The following FSIP1 variants were observed in gnomAD, a reference collection of about 807,000 sequenced individuals.
The protein encoded by FSIP1 is fibrous sheath interacting protein 1, also known as fibrous sheath-interacting protein 1.
FSIP1 carries 65 observed loss-of-function variants against 60.9 expected under a neutral mutation model. The ratio of observed to expected loss-of-function variants is 1.07; its 90% CI spans 0.87 to 1.31. FSIP1 has a LOEUF of 1.31. Among genes scored for constraint, FSIP1 ranks in the 40% most tolerant of loss-of-function variants. FSIP1 has a pLI of 0.00. For synonymous variants in FSIP1, 209 were observed against 221.2 expected, an observed-to-expected ratio of 0.94 and a Z score of 0.49; for missense variants, 675 against 665.5, an observed-to-expected ratio of 1.01 and a Z score of -0.16.
At chr15:39,660,384 CTGAAT>C (rs1425558357) in intron 10 of FSIP1, among the ~76,000 whole-genome samples, 1 of 152,150 alleles carries the variant, frequency 6.6e-6, no homozygotes, top group African/African-American at 2.4e-5. Flanking sequence ...GAAAGGTTAG[CTGAAT>C]TGAATTATCA....
intron 5 of FSIP1, among the ~76,000 whole-genome samples, chr15:39,752,105 GT>G (rs1471770817): frequency 1.3e-5 from 2 of 152,008 alleles, no homozygotes; most frequent in African/African-American, 4.8e-5. Context: ...AGTATATTTA[GT>G]TTAATGAGGT....
Position 39,765,634 on chromosome 15 carries a change from C to T in FSIP1, c.423G>A (p.Lys141=), listed in dbSNP as rs747601508. 2 of 1,604,854 alleles carry T rather than the reference C, an allele frequency of 1.2e-6. No homozygotes were observed. The highest frequency in any genetic ancestry group is 1.7e-6 in the Non-Finnish European group (2 of 1,176,684). The change falls in exon 4 of 12, where the codon AAG becomes AAA. Residue 141 remains lysine, a synonymous_variant. Coordinates refer to ENST00000350221, the MANE Select transcript of FSIP1 (RefSeq NM_152597.5). Reference sequence around the variant, plus strand: ...GCTTTATTCTCATTTCTAGACCTTGCTTCTTAATTTCTTTTTCTCTGCGTT... The same window carrying T: ...GCTTTATTCTCATTTCTAGACCTTGTTTCTTAATTTCTTTTTCTCTGCGTT... The part of the protein sequence containing the change: ...KKQRREKEIK[K]QGLEMRIKLW...
intron 8 of FSIP1, among the ~76,000 whole-genome samples, chr15:39,732,967 G>A (rs779285798): frequency 6.6e-6 from 1 of 152,132 alleles, no homozygotes; most frequent in Non-Finnish European, 1.5e-5. Flanking sequence ...CCATCCATCG[G>A]ACTCTAGAAT....
At chr15:39,713,929 T>C (rs1053774209) in intron 9 of FSIP1, among the ~76,000 whole-genome samples, 2 of 152,166 alleles carry the variant, frequency 1.3e-5, no homozygotes, top group Non-Finnish European at 2.9e-5. Context: ...GTTTATCATG[T>C]ATAAATAAGA....
intron 9 of FSIP1, among the ~76,000 whole-genome samples, chr15:39,722,032 G>T (rs1403721907): frequency 2.0e-5 from 3 of 152,150 alleles, no homozygotes; most frequent in Non-Finnish European, 4.4e-5. Flanking sequence ...CCCCAGAGCA[G>T]GAGGTGAGCG....
chr15:39,633,656 G>A (rs1318991805), intron 10 of FSIP1, among the ~76,000 whole-genome samples: 2 of 152,090 alleles, frequency 1.3e-5, no homozygotes, highest in Non-Finnish European at 2.9e-5. Context: ...GTAGTTAATT[G>A]AATAAATATA....
At chr15:39,668,945 G>A (rs1042024973) in intron 10 of FSIP1, among the ~76,000 whole-genome samples, 1 of 152,174 alleles carries the variant, frequency 6.6e-6, no homozygotes, top group Non-Finnish European at 1.5e-5. Flanking sequence ...AAAGTATTCT[G>A]CTTCTATTTT....
At chr15:39,661,920 C>T (rs747660120) in intron 10 of FSIP1, among the ~76,000 whole-genome samples, 3 of 152,178 alleles carry the variant, frequency 2.0e-5, no homozygotes, top group Non-Finnish European at 4.4e-5. Flanking sequence ...ATTCCATTAA[C>T]ACCTTCTAAT....
chr15:39,754,347 C>T, intron 5 of FSIP1, among the ~76,000 whole-genome samples: 1 of 152,028 alleles, frequency 6.6e-6, no homozygotes, highest in Non-Finnish European at 1.5e-5. Context: ...TCCCAGATTC[C>T]TGGCCCACAG....
At chr15:39,770,273 T>C in intron 3 of FSIP1, among the ~76,000 whole-genome samples, 154 bp downstream of exon 3, 1 of 152,336 alleles carries the variant, frequency 6.6e-6, no homozygotes, top group Non-Finnish European at 1.5e-5. Flanking sequence ...AAAAAGTGAT[T>C]GCTTGCTCAC....
At chr15:39,755,479 A>G (rs1212105322) in intron 5 of FSIP1, among the ~76,000 whole-genome samples, 1 of 152,146 alleles carries the variant, frequency 6.6e-6, no homozygotes, top group African/African-American at 2.4e-5. Flanking sequence ...GATGAAGCAC[A>G]TAGTAATAGT....
rs372276786 is a variant in FSIP1 at position 39,617,728 on chromosome 15, G to A, written c.1699+7C>T. On this transcript the variant is annotated splice_region_variant and intron_variant, in intron 11 of 11. Coordinates refer to ENST00000350221, the MANE Select transcript of FSIP1 (RefSeq NM_152597.5). ...ATTTACCAAAACACATGTTCGCCAA[G>A]CCTCACCTGCTATTGTATTCTCTGG... 1.2e-6 allele frequency: 2 copies of A among 1,603,416 alleles called. No homozygotes were observed. Among genetic ancestry groups the A allele is most frequent in the East Asian group, 2.2e-5 (1 of 44,704 alleles).
chr15:39,763,857 AT>A lies in FSIP1; in HGVS notation c.522del (p.Lys174AsnfsTer5), dbSNP rs755530261. 5.7e-5 allele frequency: 91 copies of A among 1,599,138 alleles called. No homozygotes were observed. Among genetic ancestry groups the A allele is most frequent in the Admixed American group, 1.5e-4 (9 of 59,868 alleles). ...QSKEEMENTKKFLSLTAVSEE... is the reference protein window; with the variant it reads ...QSKEEMENTKXFLSLTAVSEE... ...TCAGAAACAGCAGTCAAAGATAAAA[AT>A]TTTTTTGTATTTTCCATCTCCTCTT... On this transcript the variant is annotated frameshift_variant, in exon 5 of 12. Coordinates refer to ENST00000350221, the MANE Select transcript of FSIP1 (RefSeq NM_152597.5). LOFTEE classifies it high-confidence loss of function.
At chr15:39,631,378 G>T (rs1184685099) in intron 10 of FSIP1, among the ~76,000 whole-genome samples, 1 of 152,122 alleles carries the variant, frequency 6.6e-6, no homozygotes, top group Non-Finnish European at 1.5e-5. Context: ...TATGATTTGG[G>T]CACAGCAGAT....
At chr15:39,632,193 G>C (rs1424032928) in intron 10 of FSIP1, among the ~76,000 whole-genome samples, 2 of 152,000 alleles carry the variant, frequency 1.3e-5, no homozygotes, top group Non-Finnish European at 2.9e-5. Flanking sequence ...TGTTGTTGTT[G>C]TTGAGACAGG....
At chr15:39,688,291 A>G (rs920243331) in intron 10 of FSIP1, among the ~76,000 whole-genome samples, 1 of 152,174 alleles carries the variant, frequency 6.6e-6, no homozygotes, top group Non-Finnish European at 1.5e-5. Context: ...TAAGCCAAAA[A>G]TCCATTTACT....
chr15:39,658,398 T>C (rs1893158001), intron 10 of FSIP1, among the ~76,000 whole-genome samples: 1 of 151,874 alleles, frequency 6.6e-6, no homozygotes, highest in African/African-American at 2.4e-5. Flanking sequence ...TACAGGTGCC[T>C]GCCACCATGC....
At chr15:39,618,657 C>T (rs904229609) in intron 10 of FSIP1, among the ~76,000 whole-genome samples, 30 of 152,196 alleles carry the variant, frequency 2.0e-4, no homozygotes, top group African/African-American at 6.8e-4. Context: ...AGCTACAGGT[C>T]TAGGCAGAGG....
At chr15:39,625,407 G>A (rs950637430) in intron 10 of FSIP1, among the ~76,000 whole-genome samples, 41 of 152,300 alleles carry the variant, frequency 2.7e-4, no homozygotes, top group African/African-American at 5.5e-4. Flanking sequence ...ATGGCTTGCC[G>A]GGGACATAAG....
Sources: allele counts gnomAD v4.1 joint callset (sites outside exome capture counted in the v4.1 genomes callset), GRCh38; gene constraint gnomAD v4.1.1; transcripts MANE v1.5; gene names NCBI Gene and HGNC (gene_info 2026-07-23, HGNC 2026-07-21).